Variants in COL26A1 observed in about 807,000 individuals in gnomAD.
The protein encoded by COL26A1 is collagen type XXVI alpha 1 chain.
A neutral mutation model predicts 59.3 loss-of-function variants in COL26A1; 41 were observed. That is an observed-to-expected ratio of 0.69 (90% confidence interval 0.54 to 0.90). The LOEUF is 0.90. Ranked by LOEUF, COL26A1 falls within the 40% of genes least tolerant of loss-of-function variation. The pLI is 0.00. For missense variants in COL26A1, 612 were observed against 602.3 expected (o/e 1.02, Z -0.17); for synonymous variants, 266 against 256.0 (o/e 1.04, Z -0.37).
intron 3 of COL26A1, among the ~76,000 whole-genome samples, chr7:101,484,829 A>G (rs1794234106): frequency 7.1e-6 from 1 of 139,862 alleles, no homozygotes; most frequent in African/African-American, 2.5e-5. Flanking sequence ...TGCCTGGCTA[A>G]TTTTTGTATT....
intron 3 of COL26A1, among the ~76,000 whole-genome samples, chr7:101,496,972 T>C (rs1794603585): frequency 6.6e-6 from 1 of 151,828 alleles, no homozygotes; most frequent in Non-Finnish European, 1.5e-5. Flanking sequence ...GCCCAATGGC[T>C]CACGCCTGTA....
At chr7:101,363,789 C>T (rs1790971543) in intron 1 of COL26A1, among the ~76,000 whole-genome samples, 1 of 152,192 alleles carries the variant, frequency 6.6e-6, no homozygotes, top group South Asian at 2.1e-4. Flanking sequence ...TGGGGCTCTG[C>T]CCGGGGCGTT....
At position 101,551,745 on chromosome 7, in the gene COL26A1, C is replaced by CA. The variant is rs11351013; in HGVS notation, c.1029+618dup. ...TGGGTGACAGAGTGAGACTCCATCT[C>CA]AAAAAAAAAAAAAAAATTATGAGTA... On this transcript the variant is annotated intron_variant, in intron 10 of 12. Coordinates refer to ENST00000313669, the MANE Select transcript of COL26A1 (RefSeq NM_001278563.3). Among the ~76,000 whole-genome samples the CA allele has an allele frequency of 1.7e-3, 228 of 137,610 alleles. 3 individuals are homozygous for CA. In the South Asian group the frequency reaches 0.018, roughly 11 times the overall value. 90.3% of individuals were successfully genotyped at this position (137,610 alleles called of 152,430 possible).
chr7:101,374,071 T>C, intron 1 of COL26A1, among the ~76,000 whole-genome samples: 1 of 152,116 alleles, frequency 6.6e-6, no homozygotes, highest in East Asian at 1.9e-4. Flanking sequence ...CACAAAGTGC[T>C]CCGGGAATTC....
chr7:101,363,109 C>G lies in COL26A1; in HGVS notation c.77C>G (p.Pro26Arg), dbSNP rs1790936954. The G allele has an allele frequency of 1.3e-6, 2 of 1,551,704 alleles. No individual in the cohort carries two copies. Among genetic ancestry groups the G allele is most frequent in the Non-Finnish European group, 1.7e-6 (2 of 1,157,636 alleles). The change falls in exon 1 of 13, where the codon CCC becomes CGC. Residue 26 changes from proline (P) to arginine (R), a missense_variant. Coordinates refer to ENST00000313669, the MANE Select transcript of COL26A1 (RefSeq NM_001278563.3). ...GCGCTGGCCACCGGCTTCCTCTATC[C>G]CTTCTCGGCCGCAGCTCTGCAGCAG... ...GSALATGFLY[P>R]FSAAALQQHG...
intron 3 of COL26A1, among the ~76,000 whole-genome samples, chr7:101,510,374 C>T (rs73180860): frequency 0.1 from 15,450 of 151,970 alleles, 808 homozygotes; most frequent in South Asian, 0.11. Context: ...AAATCGCCCT[C>T]CCTGAAACTC....
chr7:101,438,355 CG>C lies in COL26A1; in HGVS notation c.282-9328del, dbSNP rs567495735. 1.5e-4 allele frequency among the ~76,000 whole-genome samples: 22 copies of C among 151,110 alleles called. No homozygotes were observed. The South Asian group carries it at 4.6e-3, about 32-fold the overall frequency. The stretch of plus-strand genomic sequence containing the variant: ...CAGCCTGGGCAACAGAGCGAGACTC[CG>C]TCTCAAAAAAAAATAAACAACAGTA... On this transcript the variant is annotated intron_variant, in intron 2 of 12. Coordinates refer to ENST00000313669, the MANE Select transcript of COL26A1 (RefSeq NM_001278563.3).
chr7:101,532,050 T>C (rs1435298457), intron 3 of COL26A1, among the ~76,000 whole-genome samples: 1 of 152,084 alleles, frequency 6.6e-6, no homozygotes, highest in Non-Finnish European at 1.5e-5. Context: ...GAAAGAGACT[T>C]TAGGCATCCC....
At chr7:101,550,860 T>C (rs1178629590) in intron 9 of COL26A1, among the ~76,000 whole-genome samples, 1 of 152,202 alleles carries the variant, frequency 6.6e-6, no homozygotes, top group Non-Finnish European at 1.5e-5. Flanking sequence ...CAGCCGTACG[T>C]GGCATTGGCC....
At chr7:101,401,635 AGAG>A (rs1246730077) in intron 1 of COL26A1, among the ~76,000 whole-genome samples, 8 of 133,510 alleles carry the variant, frequency 6.0e-5, no homozygotes, top group Non-Finnish European at 8.5e-5. Context: ...AGGAGGCAGA[AGAG>A]GGAGAGGAGG....
At chr7:101,397,661 C>G (rs1490811651) in intron 1 of COL26A1, among the ~76,000 whole-genome samples, 1 of 151,782 alleles carries the variant, frequency 6.6e-6, no homozygotes, top group Non-Finnish European at 1.5e-5. Context: ...CTTAGCCTCC[C>G]GAGTAGCTGG....
intron 2 of COL26A1, among the ~76,000 whole-genome samples, chr7:101,422,981 G>A (rs558783001): frequency 6.6e-6 from 1 of 152,176 alleles, no homozygotes; most frequent in Admixed American, 6.6e-5. Flanking sequence ...ACACAATAAC[G>A]CAGCCGGGCA....
chr7:101,553,780 TG>T (rs773074036), intron 11 of COL26A1, among the ~76,000 whole-genome samples: 1 of 151,942 alleles, frequency 6.6e-6, no homozygotes, highest in Non-Finnish European at 1.5e-5. Context: ...TCAAGGGTGC[TG>T]GGGGACTGAA....
chr7:101,468,590 C>T (rs887942475), intron 3 of COL26A1, among the ~76,000 whole-genome samples: 3 of 152,204 alleles, frequency 2.0e-5, no homozygotes, highest in African/African-American at 7.2e-5. Context: ...AAACTTCCTG[C>T]AGAAGGGGGC....
intron 1 of COL26A1, among the ~76,000 whole-genome samples, chr7:101,366,327 G>C (rs1282245946): frequency 6.6e-6 from 1 of 152,136 alleles, no homozygotes; most frequent in African/African-American, 2.4e-5. Flanking sequence ...GAAGCTGAAG[G>C]CTTGGGGACA....
At chr7:101,557,059 G>C (rs1795995677) in intron 12 of COL26A1, among the ~76,000 whole-genome samples, 1 of 151,816 alleles carries the variant, frequency 6.6e-6, no homozygotes, top group African/African-American at 2.4e-5. Context: ...GCAGGTAAAT[G>C]AGTGAATGAA....
chr7:101,454,988 G>T (rs55840230), intron 3 of COL26A1, among the ~76,000 whole-genome samples: 7,435 of 150,426 alleles, frequency 0.049, 246 homozygotes, highest in Non-Finnish European at 0.074. Context: ...AGCATCAATT[G>T]TATATATGGA....
At chr7:101,555,930 T>C (rs948741757) in intron 12 of COL26A1, 59 bp downstream of exon 12, 64 of 1,421,300 alleles carry the variant, frequency 4.5e-5, no homozygotes, top group Non-Finnish European at 5.7e-5. Context: ...CCTCTCCCAA[T>C]GCTGCCCTCA....
At chr7:101,471,735 G>A (rs766207261) in intron 3 of COL26A1, among the ~76,000 whole-genome samples, 5 of 151,440 alleles carry the variant, frequency 3.3e-5, no homozygotes, top group Admixed American at 6.6e-5. Flanking sequence ...ACGCACCATC[G>A]TGCCTGGCTC....
Sources: allele counts gnomAD v4.1 joint callset (sites outside exome capture counted in the v4.1 genomes callset), GRCh38; gene constraint gnomAD v4.1.1; transcripts MANE v1.5; gene names NCBI Gene and HGNC (gene_info 2026-07-23, HGNC 2026-07-21).